LYZL4: variants seen among roughly 807,000 people sequenced by gnomAD.
The protein encoded by LYZL4 is lysozyme-like protein 4.
Under a neutral mutation model 17.6 loss-of-function variants are expected in LYZL4, and 13 were observed. The ratio of observed to expected loss-of-function variants is 0.74; its 90% confidence interval spans 0.48 to 1.18. The LOEUF is 1.18. Among genes scored for constraint, LYZL4 ranks in the 50% most tolerant of loss-of-function variants. LYZL4 has a pLI of 0.00. For missense variants in LYZL4, 174 were observed against 188.2 expected, an observed-to-expected ratio of 0.92 and a Z score of 0.44; for synonymous variants, 64 against 67.7, an observed-to-expected ratio of 0.95 and a Z score of 0.27.
the LYZL4 span, among the ~76,000 whole-genome samples, chr3:42,370,212 C>T: frequency 6.6e-6 from 1 of 152,194 alleles, no homozygotes; most frequent in Admixed American, 6.5e-5. Context: ...TGCAATCCCA[C>T]TGGCAACACT....
chr3:42,402,601 A>G (rs1698677016), intron 4 of LYZL4, among the ~76,000 whole-genome samples: 1 of 152,212 alleles, frequency 6.6e-6, no homozygotes, highest in African/African-American at 2.4e-5. Flanking sequence ...CAGTCATGAG[A>G]ATAAACTGGA....
At chr3:42,389,028 G>A in the LYZL4 span, among the ~76,000 whole-genome samples, 5 of 152,170 alleles carry the variant, frequency 3.3e-5, no homozygotes, top group African/African-American at 9.7e-5. Flanking sequence ...CAAAACAAAC[G>A]ATATTCATTA....
the LYZL4 span, among the ~76,000 whole-genome samples, chr3:42,385,536 C>T: frequency 1.3e-5 from 2 of 152,168 alleles, no homozygotes; most frequent in African/African-American, 2.4e-5. Context: ...CCTCAAGATG[C>T]ACTTCTCGGA....
intron 4 of LYZL4, among the ~76,000 whole-genome samples, chr3:42,401,786 A>T (rs1490275853): frequency 6.6e-6 from 1 of 152,182 alleles, no homozygotes; most frequent in Non-Finnish European, 1.5e-5. Flanking sequence ...AAGGAACACA[A>T]TCTGATTAAG....
At chr3:42,381,903 C>A in the LYZL4 span, among the ~76,000 whole-genome samples, 1 of 152,232 alleles carries the variant, frequency 6.6e-6, no homozygotes, top group Non-Finnish European at 1.5e-5. Context: ...TACACTCTGA[C>A]TTGCGCATCT....
At chr3:42,395,493 A>G (rs1399963382), downstream of LYZL4, among the ~76,000 whole-genome samples, 1 of 152,194 alleles carries the variant, frequency 6.6e-6, no homozygotes, top group Admixed American at 6.5e-5. Flanking sequence ...CTGTAAGGGG[A>G]AAAATGTGCA....
chr3:42,397,393 C>T, intron 4 of LYZL4, 59 bp from the exon 5 acceptor site: 1 of 1,215,126 alleles, frequency 8.2e-7, no homozygotes, highest in South Asian at 1.3e-5. Flanking sequence ...GTCTCCAGGG[C>T]TTCACAGCCC....
chr3:42,402,514 G>A (rs576763831), intron 4 of LYZL4, among the ~76,000 whole-genome samples: 1 of 152,156 alleles, frequency 6.6e-6, no homozygotes, highest in East Asian at 1.9e-4. Context: ...CACCAAAGGG[G>A]ATACATAAAT....
At chr3:42,386,408 C>G in the LYZL4 span, among the ~76,000 whole-genome samples, 15 of 136,368 alleles carry the variant, frequency 1.1e-4, no homozygotes, top group South Asian at 2.8e-4. Flanking sequence ...CCCCCCCCCC[C>G]CCCCGCCTCC....
the LYZL4 span, among the ~76,000 whole-genome samples, chr3:42,391,882 C>A: frequency 6.7e-6 from 1 of 148,590 alleles, no homozygotes; most frequent in South Asian, 2.1e-4. Flanking sequence ...CTCTCTTTTT[C>A]TTTTTTTTCT....
chr3:42,374,754 C>G, the LYZL4 span, among the ~76,000 whole-genome samples: 3 of 152,184 alleles, frequency 2.0e-5, no homozygotes, highest in African/African-American at 7.2e-5. Context: ...TATTTTCTTA[C>G]AATAAATTAA....
At chr3:42,394,409 C>T (rs1247904021), downstream of LYZL4, among the ~76,000 whole-genome samples, 1 of 152,200 alleles carries the variant, frequency 6.6e-6, no homozygotes, top group Non-Finnish European at 1.5e-5. Flanking sequence ...TCATCACTTA[C>T]CAAACTGGAG....
At chr3:42,400,063 A>G (rs1260162887) in intron 4 of LYZL4, among the ~76,000 whole-genome samples, 1 of 152,094 alleles carries the variant, frequency 6.6e-6, no homozygotes, top group East Asian at 1.9e-4. Context: ...CAACAACAAA[A>G]AGGCTCAGCC....
At chr3:42,361,392 G>A in the LYZL4 span, among the ~76,000 whole-genome samples, 5 of 152,036 alleles carry the variant, frequency 3.3e-5, no homozygotes, top group South Asian at 2.1e-4. Flanking sequence ...TTCTGAGAAG[G>A]GACTGAGAGA....
chr3:42,406,470 A>G (rs1698753687), intron 3 of LYZL4, among the ~76,000 whole-genome samples: 1 of 149,546 alleles, frequency 6.7e-6, no homozygotes, highest in Non-Finnish European at 1.5e-5. Flanking sequence ...AAAAAAAAAA[A>G]AAAAAAAAAA....
chr3:42,391,079 C>A, the LYZL4 span, among the ~76,000 whole-genome samples: 1 of 152,184 alleles, frequency 6.6e-6, no homozygotes, highest in Non-Finnish European at 1.5e-5. Context: ...GGAGACAATA[C>A]ATGTCCAGTG....
chr3:42,393,788 G>A (rs1698518527), downstream of LYZL4, among the ~76,000 whole-genome samples: 2 of 152,010 alleles, frequency 1.3e-5, no homozygotes, highest in African/African-American at 4.8e-5. Context: ...AGTCGCCCCA[G>A]GTGATTTTTG....
intron 4 of LYZL4, among the ~76,000 whole-genome samples, chr3:42,397,664 T>C (rs1431230592): frequency 6.6e-6 from 1 of 152,090 alleles, no homozygotes; most frequent in Non-Finnish European, 1.5e-5. Flanking sequence ...TTTGCTTCTC[T>C]GAAGTAAGCT....
chr3:42,363,065 A>G, the LYZL4 span, among the ~76,000 whole-genome samples: 1 of 152,254 alleles, frequency 6.6e-6, no homozygotes, highest in African/African-American at 2.4e-5. Flanking sequence ...AGTCAAGTGA[A>G]CTGTGAAGAA....
Sources: gnomAD v4.1 joint callset for allele counts (sites outside exome capture counted in the v4.1 genomes callset) on GRCh38, gnomAD v4.1.1 for gene constraint, MANE v1.5 for transcripts, NCBI Gene and HGNC (gene_info 2026-07-23, HGNC 2026-07-21) for gene names.